Variants in PROB1 observed in about 807,000 individuals in gnomAD.
PROB1 encodes proline-rich basic protein 1.
For missense variants in PROB1, 1,453 were observed against 1,485.7 expected (o/e 0.98, Z 0.36); for synonymous variants, 660 against 699.3 (o/e 0.94, Z 0.89).
Position 139,392,625 on chromosome 5 carries a change from C to A in PROB1, c.2457G>T (p.Lys819Asn). ...CGGGCTCGGGGGCCGTAGGTGGTGT[C>A]TTCGGTTTGGGTGCTATCCCAGGGC... ...SPSPGIAPKPKTPPTAPEPAA... is the reference protein window; with the variant it reads ...SPSPGIAPKPNTPPTAPEPAA... The change falls in exon 1 of 1, where the codon AAG becomes AAT. Residue 819 changes from lysine (K) to asparagine (N), a missense_variant. By Grantham distance (94) the Lys-to-Asn change is moderately conservative. Coordinates refer to ENST00000434752, the MANE Select transcript of PROB1 (RefSeq NM_001161546.2). The surrounding 1 kb of genome is among the most constrained non-coding windows in gnomAD (Gnocchi z 5.8). The A allele has an allele frequency of 7.2e-7, 1 of 1,381,430 alleles. No homozygotes were observed. Among genetic ancestry groups the A allele is most frequent in the South Asian group, 1.8e-5 (1 of 57,022 alleles). The allele number at this position is 1,381,430 out of a possible 1,614,324, so 85.6% of individuals were successfully genotyped here.
Position 139,395,036 on chromosome 5 carries a change from G to T in PROB1, c.46C>A (p.Gln16Lys), listed in dbSNP as rs918190966. Reference sequence around the variant, plus strand: ...CGCCGCGCGGGGGCCGTGGGCAGCTGCCTCGGGATCCCAGGCAGGGCTGGC... The same window carrying T: ...CGCCGCGCGGGGGCCGTGGGCAGCTTCCTCGGGATCCCAGGCAGGGCTGGC... ...APPALPGIPR[Q>K]LPTAPARRQD... is the part of the protein sequence containing the mutation. The change falls in exon 1 of 1, where the codon CAG becomes AAG. Residue 16 changes from glutamine to lysine, a missense_variant. Coordinates refer to ENST00000434752, the MANE Select transcript of PROB1 (RefSeq NM_001161546.2). The T allele has an allele frequency of 2.1e-6, 3 of 1,432,808 alleles. No homozygotes were observed. Among genetic ancestry groups the T allele is most frequent in the Non-Finnish European group, 1.8e-6 (2 of 1,093,944 alleles). 88.8% of individuals were successfully genotyped at this position (1,432,808 alleles called of 1,614,324 possible).
In PROB1 at chr5:139,392,356, T is replaced by G. The variant is rs1486534891; in HGVS notation, c.2726A>C (p.Glu909Ala). The change falls in exon 1 of 1, where the codon GAG becomes GCG. Residue 909 changes from glutamate to alanine, a missense_variant. Transcript: ENST00000434752. The surrounding 1 kb of genome is among the most constrained non-coding windows in gnomAD (Gnocchi z 5.8). ...QPRLRVLFDP[E>A]SGQYVEVLLP... is the part of the protein sequence containing the mutation. ...CAACACCTCCACGTACTGCCCACTC[T>G]CAGGGTCGAAGAGCACCCGCAGCCG... The G allele has an allele frequency of 2.6e-6, 4 of 1,529,494 alleles. No homozygotes were observed. The highest frequency in any genetic ancestry group is 3.5e-6 in the Non-Finnish European group (4 of 1,139,310). 94.7% of individuals were successfully genotyped at this position (1,529,494 alleles called of 1,614,324 possible). A position where few individuals can be genotyped will look rare whatever the true frequency, so the allele number is the denominator to read the frequency against.
In PROB1 at chr5:139,393,924, C is replaced by T; in HGVS notation, c.1158G>A (p.Arg386=). ...ECRIPSEVPS[R]AVRPRSPSPP... is the part of the protein sequence containing the mutation. ...GGGACGGGCTCCTTGGCCTCACAGC[C>T]CTACTCGGAACCTCCGAGGGGATCC... Residue 386 remains arginine (R), a synonymous_variant, in exon 1 of 1, where the codon AGG becomes AGA. Coordinates refer to ENST00000434752, the MANE Select transcript of PROB1 (RefSeq NM_001161546.2). 1 of 1,551,004 alleles carries T rather than the reference C, an allele frequency of 6.4e-7. No homozygotes were observed. The highest frequency in any genetic ancestry group is 1.4e-5 in the African/African-American group (1 of 73,190).
Position 139,392,250 on chromosome 5 carries a change from A to G in PROB1, c.2832T>C (p.Tyr944=). ...GCAGAGAGAGGCTGGGTATAGGCCCATAGGCGGGCGGGTAGAGGCCGAGCC... is the reference window on the plus strand; with the variant it reads ...GCAGAGAGAGGCTGGGTATAGGCCCGTAGGCGGGCGGGTAGAGGCCGAGCC... ...ALGLGLYPPA[Y]GPIPSLSLPP... The change falls in exon 1 of 1, where the codon TAT becomes TAC. Residue 944 remains tyrosine, a synonymous_variant. Transcript: ENST00000434752. The surrounding 1 kb of genome is among the most constrained non-coding windows in gnomAD (Gnocchi z 5.8). 3 of 1,486,800 alleles carry G rather than the reference A, an allele frequency of 2.0e-6. No individual in the cohort carries two copies. Among genetic ancestry groups the G allele is most frequent in the Non-Finnish European group, 2.7e-6 (3 of 1,115,268 alleles). 92.1% of individuals were successfully genotyped at this position (1,486,800 alleles called of 1,614,324 possible).
rs1042128435 is a variant in PROB1, at chr5:139,394,835, C to A, written c.247G>T (p.Gly83Trp). Residue 83 changes from glycine (G) to tryptophan (W), a missense_variant, in exon 1 of 1, where the codon GGG (glycine) becomes TGG (tryptophan). By Grantham distance (184) the Gly-to-Trp change is radical (BLOSUM62 -2). Transcript: ENST00000434752. ...CCTCGCGGGAAACCCGAGCCGGGCC[C>A]GTGCCGCTGGCGGCTATTCTGGGCG... Reference protein sequence around the residue: ...VSAQNSRQRHGPGSGFPRGPG... With the variant: ...VSAQNSRQRHWPGSGFPRGPG... 52 of 1,531,226 alleles carry A rather than the reference C, an allele frequency of 3.4e-5. No homozygotes were observed. The highest frequency in any genetic ancestry group is 1.7e-4 in the African/African-American group (12 of 70,060). 94.9% of individuals were successfully genotyped at this position (1,531,226 alleles called of 1,614,324 possible). A position where few individuals can be genotyped will look rare whatever the true frequency, so the allele number is the denominator to read the frequency against.
In PROB1 at chr5:139,392,883, G is replaced by T. The variant is rs891014103; in HGVS notation, c.2199C>A (p.Ile733=). 3 of 1,544,824 alleles carry T rather than the reference G, an allele frequency of 1.9e-6. No homozygotes were observed. In the African/African-American group the frequency reaches 4.1e-5, roughly 21 times the overall value. The change falls in exon 1 of 1, where the codon ATC becomes ATA. Residue 733 remains isoleucine (I), a synonymous_variant. Coordinates refer to ENST00000434752, the MANE Select transcript of PROB1 (RefSeq NM_001161546.2). The surrounding 1 kb of genome is among the most constrained non-coding windows in gnomAD (Gnocchi z 5.8). ...CCAAGGCCAGGGCCCCAGGCAGGCGGATCTCTGTGCGCTTGAAGGGCTTCG... is the reference window on the plus strand; with the variant it reads ...CCAAGGCCAGGGCCCCAGGCAGGCGTATCTCTGTGCGCTTGAAGGGCTTCG... The part of the protein sequence containing the change: ...STAKPFKRTE[I]RLPGALALGR...
chr5:139,394,438 C>T lies in PROB1; in HGVS notation c.644G>A (p.Arg215Gln), dbSNP rs1758658720. The change falls in exon 1 of 1, where the codon CGG becomes CAG. Residue 215 changes from arginine (R) to glutamine (Q), a missense_variant. Arg to Gln is a conservative substitution (Grantham distance 43, BLOSUM62 1). Transcript: ENST00000434752. ...GGCCGCCCTTGGGGGACTCTGGGGCCGGGGGCGCAGCTCGATCTGACGCTT... is the reference window on the plus strand; with the variant it reads ...GGCCGCCCTTGGGGGACTCTGGGGCTGGGGGCGCAGCTCGATCTGACGCTT... Reference protein sequence around the residue: ...VPKRQIELRPRPQSPPRAAGA... With the variant: ...VPKRQIELRPQPQSPPRAAGA... The T allele has an allele frequency of 4.3e-6, 6 of 1,394,454 alleles. No homozygotes were observed. Among genetic ancestry groups the T allele is most frequent in the Admixed American group, 7.2e-5 (2 of 27,956 alleles). 86.4% of individuals were successfully genotyped at this position (1,394,454 alleles called of 1,614,324 possible). A position where few individuals can be genotyped will look rare whatever the true frequency, so the allele number is the denominator to read the frequency against.
Position 139,391,929 on chromosome 5 carries a change from T to G in PROB1, c.*105A>C. ...CTTCCTGTCCGACGACTGACTGGGA[T>G]GGGTTAAAGACAGAGGCGACGGAAG... On this transcript the variant is annotated 3_prime_UTR_variant, in exon 1 of 1. Coordinates refer to ENST00000434752, the MANE Select transcript of PROB1 (RefSeq NM_001161546.2). This position sits in a 1 kb window ranked among gnomAD's most constrained non-coding sequence, Gnocchi z 4.8. 1 of 887,954 alleles carries G rather than the reference T, an allele frequency of 1.1e-6. No homozygotes were observed. The highest frequency in any genetic ancestry group is 5.2e-5 in the South Asian group (1 of 19,310). 55.0% of individuals were successfully genotyped at this position (887,954 alleles called of 1,614,324 possible).
In PROB1 at chr5:139,392,393, G is replaced by T. The variant is rs1384852900; in HGVS notation, c.2689C>A (p.Pro897Thr). The T allele has an allele frequency of 6.6e-7, 1 of 1,521,234 alleles. No homozygotes were observed. Among genetic ancestry groups the T allele is most frequent in the Non-Finnish European group, 8.8e-7 (1 of 1,136,334 alleles). 94.2% of individuals were successfully genotyped at this position (1,521,234 alleles called of 1,614,324 possible). A position where few individuals can be genotyped will look rare whatever the true frequency, so the allele number is the denominator to read the frequency against. The change falls in exon 1 of 1, where the codon CCG becomes ACG. Residue 897 changes from proline to threonine, a missense_variant. Pro to Thr is a conservative substitution (Grantham distance 38). Transcript: ENST00000434752. This position sits in a 1 kb window ranked among gnomAD's most constrained non-coding sequence, Gnocchi z 5.8. ...AGCACCCGCAGCCGAGGCTGCCGCGGCGCCTCCACAAAGTAGTAGCGGCCG... is the reference window on the plus strand; with the variant it reads ...AGCACCCGCAGCCGAGGCTGCCGCGTCGCCTCCACAAAGTAGTAGCGGCCG... ...ESGRYYFVEA[P>T]RQPRLRVLFD...
rs1306248753 is a variant in PROB1 at position 139,394,324 on chromosome 5, G to T, written c.758C>A (p.Thr253Lys). 1.4e-6 allele frequency: 2 copies of T among 1,468,840 alleles called. No homozygotes were observed. The highest frequency in any genetic ancestry group is 1.8e-6 in the Non-Finnish European group (2 of 1,112,422). The allele number at this position is 1,468,840 out of a possible 1,614,324, so 91.0% of individuals were successfully genotyped here. The stretch of plus-strand genomic sequence containing the variant: ...GGGGCTCAGTTTTCTGGCCAACGCC[G>T]TCTGCACGAAGCCCGCGGCGGCCTG... ...PLQAAAGFVQTALARKLSPEA... is the reference protein window; with the variant it reads ...PLQAAAGFVQKALARKLSPEA... Residue 253 changes from threonine (T) to lysine (K), a missense_variant, in exon 1 of 1, where the codon ACG becomes AAG. Thr to Lys is a moderately conservative substitution (Grantham distance 78). Transcript: ENST00000434752.
chr5:139,393,088 G>C lies in PROB1; in HGVS notation c.1994C>G (p.Thr665Arg). Residue 665 changes from threonine to arginine, a missense_variant, in exon 1 of 1, where the codon ACG (threonine) becomes AGG (arginine). Transcript: ENST00000434752. Reference sequence around the variant, plus strand: ...GGGCCCCAGTGCTGGCGGCTCTTGCGTCTTGGATTCGCCGCCCTCCTCCCC... The same window carrying C: ...GGGCCCCAGTGCTGGCGGCTCTTGCCTCTTGGATTCGCCGCCCTCCTCCCC... The part of the protein sequence containing the change: ...PCGEEGGESK[T>R]QEPPALGPPA... 1 of 1,525,476 alleles carries C rather than the reference G, an allele frequency of 6.6e-7. No individual in the cohort carries two copies. The highest frequency in any genetic ancestry group is 8.8e-7 in the Non-Finnish European group (1 of 1,134,038). The allele number at this position is 1,525,476 out of a possible 1,614,324, so 94.5% of individuals were successfully genotyped here.
chr5:139,394,432 T>C lies in PROB1; in HGVS notation c.650A>G (p.Gln217Arg). The change falls in exon 1 of 1, where the codon CAG becomes CGG. Residue 217 changes from glutamine (Q) to arginine (R), a missense_variant. Transcript: ENST00000434752. The stretch of plus-strand genomic sequence containing the variant: ...CGCGCCGGCCGCCCTTGGGGGACTC[T>C]GGGGCCGGGGGCGCAGCTCGATCTG... Reference protein sequence around the residue: ...KRQIELRPRPQSPPRAAGAPR... With the variant: ...KRQIELRPRPRSPPRAAGAPR... 1.4e-6 allele frequency: 2 copies of C among 1,394,162 alleles called. No individual in the cohort carries two copies. The highest frequency in any genetic ancestry group is 1.6e-5 in the South Asian group (1 of 62,278). The allele number at this position is 1,394,162 out of a possible 1,614,324, so 86.4% of individuals were successfully genotyped here.
chr5:139,393,404 T>A lies in PROB1; in HGVS notation c.1678A>T (p.Thr560Ser). 2 of 1,551,676 alleles carry A rather than the reference T, an allele frequency of 1.3e-6. No homozygotes were observed. Among genetic ancestry groups the A allele is most frequent in the Non-Finnish European group, 1.7e-6 (2 of 1,147,002 alleles). ...CGCGTGGATGGACTCTGCATCTCTG[T>A]TGGTTCTGGAGTGCCGGGTGCGGAC... ...TPSAPGTPEP[T>S]EMQSPSTREI... Residue 560 changes from threonine to serine, a missense_variant, in exon 1 of 1, where the codon ACA becomes TCA. Thr to Ser is a moderately conservative substitution (Grantham distance 58, BLOSUM62 1). Transcript: ENST00000434752.
chr5:139,393,605 G>A lies in PROB1; in HGVS notation c.1477C>T (p.Arg493Cys). Residue 493 changes from arginine to cysteine, a missense_variant, in exon 1 of 1, where the codon CGT (arginine) becomes TGT (cysteine). Physicochemically the swap from Arg to Cys is radical, Grantham distance 180 (BLOSUM62 -3). Coordinates refer to ENST00000434752, the MANE Select transcript of PROB1 (RefSeq NM_001161546.2). ...AAGGCCGGCGGGGACGGGCTGCTAC[G>A]TGGCTCCACCGCATCCGCGACTGCC... ...HSAVADAVEP[R>C]SSPSPPAFFP... 1.3e-6 allele frequency: 2 copies of A among 1,550,794 alleles called. No homozygotes were observed. The highest frequency in any genetic ancestry group is 1.7e-6 in the Non-Finnish European group (2 of 1,146,914).
chr5:139,393,656 G>T lies in PROB1; in HGVS notation c.1426C>A (p.Pro476Thr). 4.5e-6 allele frequency: 7 copies of T among 1,550,880 alleles called. No individual in the cohort carries two copies. The highest frequency in any genetic ancestry group is 4.4e-6 in the Non-Finnish European group (5 of 1,146,928). Residue 476 changes from proline (P) to threonine (T), a missense_variant, in exon 1 of 1, where the codon CCT becomes ACT. Physicochemically the swap from Pro to Thr is conservative, Grantham distance 38. Coordinates refer to ENST00000434752, the MANE Select transcript of PROB1 (RefSeq NM_001161546.2). ...GAATGTGGAATCTCCCACAGGGAAGGGGCTTCGAGGGACGGGCTCCTTTCC... is the reference window on the plus strand; with the variant it reads ...GAATGTGGAATCTCCCACAGGGAAGTGGCTTCGAGGGACGGGCTCCTTTCC... Reference protein sequence around the residue: ...AGERSPSLEAPSLWEIPHSAV... With the variant: ...AGERSPSLEATSLWEIPHSAV...
Position 139,395,016 on chromosome 5 carries a change from C to A in PROB1, c.66G>T (p.Ala22=). 1.4e-6 allele frequency: 2 copies of A among 1,458,434 alleles called. No homozygotes were observed. Among genetic ancestry groups the A allele is most frequent in the Admixed American group, 2.8e-5 (1 of 35,842 alleles). 90.3% of individuals were successfully genotyped at this position (1,458,434 alleles called of 1,614,324 possible). A position where few individuals can be genotyped will look rare whatever the true frequency, so the allele number is the denominator to read the frequency against. ...GIPRQLPTAP[A]RRQDSSGSSG... is the part of the protein sequence containing the mutation. Reference sequence around the variant, plus strand: ...ACGAACCGGAGGAGTCCTGGCGCCGCGCGGGGGCCGTGGGCAGCTGCCTCG... The same window carrying A: ...ACGAACCGGAGGAGTCCTGGCGCCGAGCGGGGGCCGTGGGCAGCTGCCTCG... Residue 22 remains alanine (A), a synonymous_variant, in exon 1 of 1, where the codon GCG becomes GCT. Transcript: ENST00000434752.
In PROB1 at chr5:139,394,984, G is replaced by A. The variant is rs1297420954; in HGVS notation, c.98C>T (p.Ser33Phe). The change falls in exon 1 of 1, where the codon TCC (serine) becomes TTC (phenylalanine). Residue 33 changes from serine to phenylalanine, a missense_variant. By Grantham distance (155) the Ser-to-Phe change is radical. Transcript: ENST00000434752. ...RRQDSSGSSG[S>F]YYTAPGSPEP... is the part of the protein sequence containing the mutation. ...CGGAGAACCTGGAGCCGTGTAGTAG[G>A]AGCCTGACGAACCGGAGGAGTCCTG... 5 of 1,505,136 alleles carry A rather than the reference G, an allele frequency of 3.3e-6. No homozygotes were observed. Among genetic ancestry groups the A allele is most frequent in the East Asian group, 2.7e-5 (1 of 36,802 alleles). The allele number at this position is 1,505,136 out of a possible 1,614,324, so 93.2% of individuals were successfully genotyped here. A position where few individuals can be genotyped will look rare whatever the true frequency, so the allele number is the denominator to read the frequency against.
Position 139,394,714 on chromosome 5 carries a change from C to T in PROB1, c.368G>A (p.Cys123Tyr). The change falls in exon 1 of 1, where the codon TGC (cysteine) becomes TAC (tyrosine). Residue 123 changes from cysteine to tyrosine, a missense_variant. By Grantham distance (194) the Cys-to-Tyr change is radical. Coordinates refer to ENST00000434752, the MANE Select transcript of PROB1 (RefSeq NM_001161546.2). Reference sequence around the variant, plus strand: ...CGCCTCGCGATCGTCTGCGCCGGAGCAGCCGAACAGGGGTCCGACGCCGAA... The same window carrying T: ...CGCCTCGCGATCGTCTGCGCCGGAGTAGCCGAACAGGGGTCCGACGCCGAA... Reference protein sequence around the residue: ...VIFGVGPLFGCSGADDREAQQ... With the variant: ...VIFGVGPLFGYSGADDREAQQ... 6.5e-7 allele frequency: 1 copy of T among 1,532,720 alleles called. No homozygotes were observed. 94.9% of individuals were successfully genotyped at this position (1,532,720 alleles called of 1,614,324 possible). A position where few individuals can be genotyped will look rare whatever the true frequency, so the allele number is the denominator to read the frequency against.
Position 139,395,024 on chromosome 5 carries a change from C to A in PROB1, c.58G>T (p.Ala20Ser). Residue 20 changes from alanine (A) to serine (S), a missense_variant, in exon 1 of 1, where the codon GCC becomes TCC. Physicochemically the swap from Ala to Ser is moderately conservative, Grantham distance 99. Transcript: ENST00000434752. ...LPGIPRQLPT[A>S]PARRQDSSGS... ...GAGGAGTCCTGGCGCCGCGCGGGGG[C>A]CGTGGGCAGCTGCCTCGGGATCCCA... is the stretch of plus-strand genomic sequence containing the variant. The A allele has an allele frequency of 6.9e-7, 1 of 1,444,124 alleles. No individual in the cohort carries two copies. The highest frequency in any genetic ancestry group is 1.4e-5 in the South Asian group (1 of 69,974). The allele number at this position is 1,444,124 out of a possible 1,614,324, so 89.5% of individuals were successfully genotyped here.
Sources: gnomAD v4.1 joint callset for allele counts on GRCh38, gnomAD v4.1.1 for gene constraint, Gnocchi (gnomAD v3.1) non-coding constraint, MANE v1.5 for transcripts, NCBI Gene and HGNC (gene_info 2026-07-23, HGNC 2026-07-21) for gene names.